OLA1: variants seen among roughly 807,000 people sequenced by gnomAD.
The protein encoded by OLA1 is Obg like ATPase 1, also known as obg-like ATPase 1.
A neutral mutation model predicts 48.4 loss-of-function variants in OLA1; 14 were observed. That is an observed-to-expected ratio of 0.29 (90% confidence interval 0.19 to 0.45). The LOEUF is 0.45. Among genes scored for constraint, OLA1 ranks in the 20% least tolerant of loss-of-function variants. OLA1 has a pLI of 1.00. For synonymous variants in OLA1, 127 were observed against 150.4 expected, an observed-to-expected ratio of 0.84 and a Z score of 1.14; for missense variants, 325 against 467.1, an observed-to-expected ratio of 0.70 and a Z score of 2.80.
At chr2:174,114,703 C>A (rs1685740622) in intron 7 of OLA1, among the ~76,000 whole-genome samples, 1 of 152,114 alleles carries the variant, frequency 6.6e-6, no homozygotes, top group African/African-American at 2.4e-5. Context: ...CCCTTGATTT[C>A]AATGACAAAT....
intron 4 of OLA1, among the ~76,000 whole-genome samples, chr2:174,200,173 G>A (rs1687960486): frequency 1.3e-5 from 2 of 152,004 alleles, no homozygotes; most frequent in African/African-American, 4.8e-5. Context: ...GGTAAATACT[G>A]ATTGACATTT....
At chr2:174,141,683 T>A in intron 5 of OLA1, 142 bp downstream of exon 5, 3 of 710,952 alleles carry the variant, frequency 4.2e-6, no homozygotes, top group Non-Finnish European at 2.2e-6. Context: ...ATAAAGTTCC[T>A]TAACAATTTT....
intron 7 of OLA1, among the ~76,000 whole-genome samples, chr2:174,091,005 C>T (rs1212046759): frequency 6.6e-6 from 1 of 152,208 alleles, no homozygotes; most frequent in Non-Finnish European, 1.5e-5. Flanking sequence ...TCTCTTCACA[C>T]TATAGAAAAC....
chr2:174,201,719 C>T (rs1438439442), intron 4 of OLA1, among the ~76,000 whole-genome samples: 1 of 152,140 alleles, frequency 6.6e-6, no homozygotes, highest in Non-Finnish European at 1.5e-5. Flanking sequence ...CTTTATTATA[C>T]TGCTTATAAC....
At chr2:174,165,073 C>T (rs1407871700) in intron 4 of OLA1, among the ~76,000 whole-genome samples, 2 of 152,184 alleles carry the variant, frequency 1.3e-5, no homozygotes, top group Non-Finnish European at 2.9e-5. Context: ...GTGCACTGAT[C>T]ATGTATTGCA....
chr2:174,131,462 T>C (rs940994925), intron 5 of OLA1, among the ~76,000 whole-genome samples: 11 of 152,178 alleles, frequency 7.2e-5, no homozygotes, highest in Admixed American at 2.0e-4. Flanking sequence ...TGCATTTCTC[T>C]TGAGTATATA....
At position 174,135,862 on chromosome 2, in the gene OLA1, G is replaced by A. The variant is rs77016136; in HGVS notation, c.549+5963C>T. On this transcript the variant is annotated intron_variant, in intron 5 of 10. Transcript: ENST00000284719. ...GTTTAGTTCCAATAAAGTGAGTATC[G>A]CTATAAAGCAAGTAAAAGTAAGTGC... Among the ~76,000 whole-genome samples the A allele has an allele frequency of 7.9e-3, 1,202 of 152,220 alleles. 17 individuals are homozygous for A. The highest frequency in any genetic ancestry group is 0.027 in the African/African-American group (1,132 of 41,536).
chr2:174,108,218 T>C (rs552445614), intron 7 of OLA1, among the ~76,000 whole-genome samples: 19 of 152,228 alleles, frequency 1.2e-4, no homozygotes, highest in East Asian at 1.2e-3. Flanking sequence ...TTTAGACTGT[T>C]TGAAGGCTTT....
At chr2:174,163,761 TATATATATA>T (rs1558984638) in intron 4 of OLA1, among the ~76,000 whole-genome samples, 634 of 36,876 alleles carry the variant, frequency 0.017, 86 homozygotes, top group Non-Finnish European at 0.027. Context: ...TATATATATA[TATATATATA>T]TATATAAATA....
At chr2:174,094,826 A>G (rs9677790) in intron 7 of OLA1, among the ~76,000 whole-genome samples, 82,617 of 151,978 alleles carry the variant, frequency 0.54, 23,107 homozygotes, top group East Asian at 0.95. Flanking sequence ...TGTTCCCCTG[A>G]CAACCACTAT....
chr2:174,195,015 A>G (rs1687853277), intron 4 of OLA1, among the ~76,000 whole-genome samples: 1 of 151,986 alleles, frequency 6.6e-6, no homozygotes, highest in Non-Finnish European at 1.5e-5. Flanking sequence ...GGGACCCACG[A>G]TATGGTCTGC....
At position 174,160,380 on chromosome 2, in the gene OLA1, C is replaced by T. The variant is rs182490331; in HGVS notation, c.374-18380G>A. Among the ~76,000 whole-genome samples the T allele has an allele frequency of 2.6e-5, 4 of 152,216 alleles. No individual in the cohort carries two copies. In the East Asian group the frequency reaches 7.7e-4, roughly 29 times the overall value. On this transcript the variant is annotated intron_variant, in intron 4 of 10. Transcript: ENST00000284719. ...TGATTTCAGAAATGCATTAACAAGG[C>T]ATATAAATGCCAGTACATTTCAAAC...
chr2:174,093,675 T>C (rs1036540963), intron 7 of OLA1, among the ~76,000 whole-genome samples: 82 of 152,328 alleles, frequency 5.4e-4, no homozygotes, highest in African/African-American at 1.6e-3. Flanking sequence ...ACATCGCACA[T>C]GGAAACATTC....
chr2:174,200,423 A>T (rs559513802), intron 4 of OLA1, among the ~76,000 whole-genome samples: 1 of 152,328 alleles, frequency 6.6e-6, no homozygotes, highest in East Asian at 1.9e-4. Flanking sequence ...CAGTTAGAAA[A>T]AGAAACCAAG....
At chr2:174,088,901 T>A (rs1359254880) in intron 7 of OLA1, among the ~76,000 whole-genome samples, 1 of 150,182 alleles carries the variant, frequency 6.7e-6, no homozygotes, top group Non-Finnish European at 1.5e-5. Context: ...AATAAATAAA[T>A]AAATAAATAA....
At chr2:174,151,471 T>C (rs1686744631) in intron 4 of OLA1, among the ~76,000 whole-genome samples, 1 of 152,232 alleles carries the variant, frequency 6.6e-6, no homozygotes, top group Non-Finnish European at 1.5e-5. Context: ...AGTAAATGTT[T>C]TGAGTATTTA....
At chr2:174,222,406 A>G (rs114346027) in intron 4 of OLA1, among the ~76,000 whole-genome samples, 290 of 152,298 alleles carry the variant, frequency 1.9e-3, no homozygotes, top group African/African-American at 6.6e-3. Context: ...TTTGCTCATT[A>G]TAATACTATT....
rs79677906 is a variant in OLA1, at chr2:174,159,606, C to T, written c.374-17606G>A. On this transcript the variant is annotated intron_variant, in intron 4 of 10. Transcript: ENST00000284719. ...AGAATTATTATTTAAGAAAATAAGA[C>T]TTATCTAAATGTTTAAAATAAATAC... Among the ~76,000 whole-genome samples the T allele has an allele frequency of 4.6e-5, 7 of 152,108 alleles. No individual in the cohort carries two copies. In the East Asian group the frequency reaches 5.8e-4, roughly 13 times the overall value.
intron 7 of OLA1, among the ~76,000 whole-genome samples, chr2:174,108,141 G>A (rs997424849): frequency 6.6e-5 from 10 of 152,036 alleles, no homozygotes; most frequent in Non-Finnish European, 1.0e-4. Context: ...GAATAAAAGC[G>A]TATAATATTT....
Sources: allele counts gnomAD v4.1 joint callset (sites outside exome capture counted in the v4.1 genomes callset), GRCh38; gene constraint gnomAD v4.1.1; transcripts MANE v1.5; gene names NCBI Gene and HGNC (gene_info 2026-07-23, HGNC 2026-07-21).